The following FRMD1 variants were observed in gnomAD, a reference collection of about 807,000 sequenced individuals.
The protein encoded by FRMD1 is FERM domain-containing protein 1.
A neutral mutation model predicts 54.9 loss-of-function variants in FRMD1; 51 were observed. That is an observed-to-expected ratio of 0.93 (90% CI 0.74 to 1.17). The LOEUF is 1.17. Ranked by LOEUF, FRMD1 falls within the 50% of genes most tolerant of loss-of-function variation. FRMD1 has a pLI of 0.00. For synonymous variants in FRMD1, 324 were observed against 306.4 expected (o/e 1.06, Z -0.60); for missense variants, 729 against 743.0 (o/e 0.98, Z 0.22).
chr6:168,063,459 C>T, intron 6 of FRMD1, 142 bp downstream of exon 6: 1 of 1,008,294 alleles, frequency 9.9e-7, no homozygotes, highest in Non-Finnish European at 1.4e-6. Context: ...TATCCCTGCC[C>T]CGGGGTCCTG....
Position 168,059,062 on chromosome 6 carries a change from G to T in FRMD1, c.1407+62C>A. 1 of 1,350,642 alleles carries T rather than the reference G, an allele frequency of 7.4e-7. No individual in the cohort carries two copies. Among genetic ancestry groups the T allele is most frequent in the Non-Finnish European group, 1.0e-6 (1 of 976,562 alleles). 83.7% of individuals were successfully genotyped at this position (1,350,642 alleles called of 1,614,324 possible). ...AAGGTCCCCAGGGCCCCTGACAGGG[G>T]ACCTAGGAGAAGGGGGTGGAGGAGC... is the stretch of plus-strand genomic sequence containing the variant. On this transcript the variant is annotated intron_variant, in intron 10 of 10. Transcript: ENST00000283309. This position sits in a 1 kb window ranked among gnomAD's most constrained non-coding sequence, Gnocchi z 4.4.
intron 1 of FRMD1, among the ~76,000 whole-genome samples, chr6:168,088,717 G>C (rs952393426): frequency 6.6e-6 from 1 of 152,118 alleles, no homozygotes; most frequent in Non-Finnish European, 1.5e-5. Context: ...AGGCAGGAGG[G>C]CTTTGTAGAC....
rs1160450083 is a variant in FRMD1, at chr6:168,079,006, G to T, written c.89C>A (p.Pro30His). The T allele has an allele frequency of 1.2e-6, 2 of 1,612,396 alleles. No homozygotes were observed. The highest frequency in any genetic ancestry group is 2.2e-5 in the South Asian group (2 of 91,064). The change falls in exon 1 of 11, where the codon CCC becomes CAC. Residue 30 changes from proline (P) to histidine (H), a missense_variant. Physicochemically the swap from Pro to His is moderately conservative, Grantham distance 77. Transcript: ENST00000283309. ...ACTGCATGCAGGCCTCTCAGGACTG[G>T]GTTCCATACATCGCGCCCCTGAAGG... ...FPPSGARCME[P>H]SPERPACSQQ...
At chr6:168,066,120 C>T in intron 4 of FRMD1, 1 of 991,132 alleles carries the variant, frequency 1.0e-6, no homozygotes, top group Non-Finnish European at 1.2e-6. Flanking sequence ...AGCATAGCAG[C>T]CCTTAGCCCA....
rs920436135 is a variant in FRMD1, at chr6:168,059,762, G to A, written c.1343-574C>T. 6.6e-6 allele frequency among the ~76,000 whole-genome samples: 1 copy of A among 152,108 alleles called. No homozygotes were observed. The highest frequency in any genetic ancestry group is 1.9e-4 in the East Asian group (1 of 5,160). On this transcript the variant is annotated intron_variant, in intron 9 of 10. Coordinates refer to ENST00000283309, the MANE Select transcript of FRMD1 (RefSeq NM_024919.6). This position sits in a 1 kb window ranked among gnomAD's most constrained non-coding sequence, Gnocchi z 4.4. ...CTCATACACAGGGACTGGGCTGGAC[G>A]CATCCCTCAGGACAGGGTGCTGCAT... is the stretch of plus-strand genomic sequence containing the variant.
At chr6:168,082,455 T>C (rs1800850675), upstream of FRMD1, among the ~76,000 whole-genome samples, 1 of 152,120 alleles carries the variant, frequency 6.6e-6, no homozygotes, top group African/African-American at 2.4e-5. Flanking sequence ...AGCCCAGGGG[T>C]GCCCGCTGGG....
intron 6 of FRMD1, among the ~76,000 whole-genome samples, chr6:168,063,352 A>G (rs974674030): frequency 6.9e-6 from 1 of 144,440 alleles, no homozygotes; most frequent in Non-Finnish European, 1.5e-5. Flanking sequence ...GGCTCCATCC[A>G]TCCCTGCCCT....
chr6:168,081,112 G>A (rs940567349), upstream of FRMD1, among the ~76,000 whole-genome samples: 4 of 152,170 alleles, frequency 2.6e-5, no homozygotes, highest in African/African-American at 4.8e-5. Flanking sequence ...GAAGGCCGCC[G>A]TCCATCTGAG....
At chr6:168,090,970 G>A (rs879616875) in intron 1 of FRMD1, among the ~76,000 whole-genome samples, 12 of 152,174 alleles carry the variant, frequency 7.9e-5, no homozygotes, top group Admixed American at 3.9e-4. Flanking sequence ...ACCTCAGGTC[G>A]GCAGGAAGCC....
chr6:168,079,652 C>T (rs925425939), upstream of FRMD1, among the ~76,000 whole-genome samples: 4 of 152,190 alleles, frequency 2.6e-5, no homozygotes, highest in Non-Finnish European at 5.9e-5. Context: ...GCACAGCTGC[C>T]GTTCCTGGAC....
intron 2 of FRMD1, among the ~76,000 whole-genome samples, chr6:168,072,583 G>A (rs1800363824): frequency 6.6e-6 from 1 of 152,224 alleles, no homozygotes; most frequent in Non-Finnish European, 1.5e-5. Flanking sequence ...CCCAAACACG[G>A]CGGCTCCAAC....
intron 1 of FRMD1, among the ~76,000 whole-genome samples, chr6:168,090,386 C>T (rs550392590): frequency 6.6e-6 from 1 of 152,196 alleles, no homozygotes; most frequent in Non-Finnish European, 1.5e-5. Context: ...GCTCTCTGGC[C>T]TCACCGTCTG....
intron 10 of FRMD1, chr6:168,057,558 C>A: frequency 1.6e-6 from 1 of 606,890 alleles, no homozygotes. Context: ...AGGCCCCCAC[C>A]TTGCCCAGCT....
upstream of FRMD1, among the ~76,000 whole-genome samples, chr6:168,085,572 G>A (rs1280433546): frequency 2.0e-5 from 3 of 152,220 alleles, no homozygotes; most frequent in South Asian, 4.1e-4. Context: ...GTGCAGAGGA[G>A]GTCGGTCACT....
intron 2 of FRMD1, among the ~76,000 whole-genome samples, chr6:168,071,390 C>T (rs1800300339): frequency 6.6e-6 from 1 of 152,206 alleles, no homozygotes; most frequent in Non-Finnish European, 1.5e-5. Flanking sequence ...GTCCAAATCT[C>T]CAAAGCAAGG....
intron 1 of FRMD1, among the ~76,000 whole-genome samples, chr6:168,092,364 C>G (rs575934652): frequency 6.6e-6 from 1 of 152,328 alleles, no homozygotes; most frequent in South Asian, 2.1e-4. Flanking sequence ...CCAAATTCAC[C>G]ACGTGGAAAT....
In FRMD1 at chr6:168,079,123, T is replaced by C; in HGVS notation, c.-29A>G. ...GTCGTTACTCGGCCCTCCCCCGCCA[T>C]GGGTCGCAGGTGGGTGCTCAGCACC... On this transcript the variant is annotated 5_prime_UTR_variant, in exon 1 of 11. The change abolishes an upstream ATG in the 5' untranslated region. Transcript: ENST00000283309. 6.4e-7 allele frequency: 1 copy of C among 1,567,824 alleles called. No homozygotes were observed. Among genetic ancestry groups the C allele is most frequent in the African/African-American group, 1.3e-5 (1 of 74,168 alleles).
chr6:168,089,981 A>C (rs934558388), intron 1 of FRMD1, among the ~76,000 whole-genome samples: 1 of 152,128 alleles, frequency 6.6e-6, no homozygotes, highest in Non-Finnish European at 1.5e-5. Flanking sequence ...CTCGCAGCCC[A>C]TCCTCCACCT....
chr6:168,075,048 C>A (rs1257241817), intron 2 of FRMD1, among the ~76,000 whole-genome samples, 197 bp downstream of exon 2: 1 of 128,856 alleles, frequency 7.8e-6, no homozygotes, highest in Non-Finnish European at 1.7e-5. Context: ...ATGGTGTGTA[C>A]CTGCATGTGT....
Sources: allele counts gnomAD v4.1 joint callset (sites outside exome capture counted in the v4.1 genomes callset), GRCh38; gene constraint gnomAD v4.1.1; non-coding constraint Gnocchi (gnomAD v3.1); transcripts MANE v1.5; gene names NCBI Gene and HGNC (gene_info 2026-07-23, HGNC 2026-07-21).